The following IFNG-AS1 variants were observed in gnomAD, a reference collection of about 807,000 sequenced individuals.
The protein encoded by IFNG-AS1 is IFNG regulatory antisense RNA 1.
chr12:68,002,556 T>G (rs1053497487), intron 2 of IFNG-AS1, among the ~76,000 whole-genome samples: 1 of 152,230 alleles, frequency 6.6e-6, no homozygotes, highest in South Asian at 2.1e-4. Context: ...GATTTAAAAA[T>G]TATTTTAATT....
At chr12:67,997,531 A>T (rs189474189) in intron 2 of IFNG-AS1, among the ~76,000 whole-genome samples, 444 of 151,330 alleles carry the variant, frequency 2.9e-3, no homozygotes, top group Middle Eastern at 6.8e-3. Flanking sequence ...GTAAAAAAAA[A>T]TTTTTTTTTA....
intron 1 of IFNG-AS1, among the ~76,000 whole-genome samples, chr12:67,995,534 A>G (rs1219111041): frequency 6.6e-6 from 1 of 151,836 alleles, no homozygotes; most frequent in Non-Finnish European, 1.5e-5. Context: ...CATCCTGAAT[A>G]ACATGGTGAA....
At chr12:68,003,424 C>CTTTTTT (rs530422946) in intron 2 of IFNG-AS1, among the ~76,000 whole-genome samples, 13 of 136,508 alleles carry the variant, frequency 9.5e-5, no homozygotes, top group Non-Finnish European at 1.1e-4. Flanking sequence ...CATATTCCCC[C>CTTTTTT]CTTTTTTTTT....
intron 2 of IFNG-AS1, among the ~76,000 whole-genome samples, chr12:68,004,607 C>T (rs1385627664): frequency 6.6e-6 from 1 of 152,204 alleles, no homozygotes; most frequent in Non-Finnish European, 1.5e-5. Context: ...GACCATTTGC[C>T]CCTGGTTGTG....
chr12:68,011,219 C>G (rs1210336072), intron 3 of IFNG-AS1, among the ~76,000 whole-genome samples: 1 of 152,186 alleles, frequency 6.6e-6, no homozygotes, highest in Non-Finnish European at 1.5e-5. Flanking sequence ...TTTAGCAGCA[C>G]TTGTTTGGTG....
At chr12:68,003,539 A>G (rs1879828412) in intron 2 of IFNG-AS1, among the ~76,000 whole-genome samples, 1 of 151,264 alleles carries the variant, frequency 6.6e-6, no homozygotes, top group South Asian at 2.1e-4. Context: ...AGGGTCCCTC[A>G]TCACCTTCCC....
chr12:68,002,442 C>A (rs1453021418), intron 2 of IFNG-AS1, among the ~76,000 whole-genome samples: 1 of 152,226 alleles, frequency 6.6e-6, no homozygotes, highest in Non-Finnish European at 1.5e-5. Flanking sequence ...CCTCAACTCC[C>A]ACCTTTTACA....
At chr12:68,016,344 A>G (rs943562841) in intron 3 of IFNG-AS1, among the ~76,000 whole-genome samples, 8 of 152,102 alleles carry the variant, frequency 5.3e-5, no homozygotes, top group African/African-American at 1.9e-4. Context: ...ACCCAGACCT[A>G]TTTAATTACA....
At chr12:67,998,855 A>C (rs1019526480) in intron 2 of IFNG-AS1, among the ~76,000 whole-genome samples, 2 of 152,202 alleles carry the variant, frequency 1.3e-5, no homozygotes, top group African/African-American at 4.8e-5. Context: ...ACAGGAATGT[A>C]CACAAACATT....
chr12:67,990,978 C>T (rs868225491), intron 1 of IFNG-AS1, among the ~76,000 whole-genome samples: 4 of 152,180 alleles, frequency 2.6e-5, no homozygotes, highest in South Asian at 2.1e-4. Context: ...AGCACCATGT[C>T]ACCATGTGCA....
At chr12:68,016,300 G>A (rs7975682) in intron 3 of IFNG-AS1, among the ~76,000 whole-genome samples, 61,742 of 151,802 alleles carry the variant, frequency 0.41, 13,033 homozygotes, top group Middle Eastern at 0.5. Flanking sequence ...CTCAAAACCA[G>A]TCACTTGTTA....
intron 3 of IFNG-AS1, chr12:68,013,661 T>G (rs978583104): frequency 8.5e-5 from 13 of 152,352 alleles, no homozygotes; most frequent in African/African-American, 3.1e-4. Context: ...AAGATTTGCA[T>G]TTAAATTGGT....
intron 2 of IFNG-AS1, among the ~76,000 whole-genome samples, chr12:68,002,318 C>T (rs912373908): frequency 2.6e-5 from 4 of 152,342 alleles, no homozygotes; most frequent in South Asian, 2.1e-4. Context: ...CTGGAGAACT[C>T]GAAATCAAAC....
rs546508277 is a variant in IFNG-AS1, at chr12:67,997,579, G to A, written n.184+1506G>A. On this transcript the variant is annotated intron_variant and non_coding_transcript_variant, in intron 2 of 5. Coordinates refer to ENST00000536914, the Ensembl canonical transcript of IFNG-AS1. The stretch of plus-strand genomic sequence containing the variant: ...AAACATGGGTGAATTTCTATTTAAC[G>A]TTGGTATAGGGAAAGATTTTCTAAC... Among the ~76,000 whole-genome samples the A allele has an allele frequency of 1.1e-4, 16 of 150,912 alleles. No individual in the cohort carries two copies. In the South Asian group the frequency reaches 1.5e-3, roughly 14 times the overall value.
chr12:68,006,186 A>G (rs1338174567), intron 3 of IFNG-AS1: 2 of 152,226 alleles, frequency 1.3e-5, no homozygotes, highest in Non-Finnish European at 2.9e-5. Context: ...ACACTAAGGA[A>G]TTTGATTTTT....
rs149102029 is a variant in IFNG-AS1, at chr12:67,997,722, T to TA, written n.184+1656dup. ...ACAAAGTCAAACAACAAACAAACTTTAAAAAAATGCTTGCAACATTAATCT... is the reference window on the plus strand; with the variant it reads ...ACAAAGTCAAACAACAAACAAACTTTAAAAAAAATGCTTGCAACATTAATCT... On this transcript the variant is annotated intron_variant and non_coding_transcript_variant, in intron 2 of 5. Coordinates refer to ENST00000536914, the Ensembl canonical transcript of IFNG-AS1. 3.8e-3 allele frequency among the ~76,000 whole-genome samples: 569 copies of TA among 151,542 alleles called. 3 individuals are homozygous for TA. The highest frequency in any genetic ancestry group is 0.013 in the African/African-American group (552 of 41,430).
chr12:68,011,966 G>A (rs985698040), intron 3 of IFNG-AS1, among the ~76,000 whole-genome samples: 5 of 152,268 alleles, frequency 3.3e-5, no homozygotes, highest in East Asian at 3.9e-4. Flanking sequence ...TGGAATGTCA[G>A]AACAAGCAAT....
chr12:68,005,003 A>G (rs1879874124), intron 2 of IFNG-AS1, among the ~76,000 whole-genome samples: 1 of 152,142 alleles, frequency 6.6e-6, no homozygotes. Flanking sequence ...CTCTTTTCAT[A>G]TCCTTTCTGA....
chr12:68,002,963 T>C (rs1879804404), intron 2 of IFNG-AS1, among the ~76,000 whole-genome samples: 1 of 152,352 alleles, frequency 6.6e-6, no homozygotes, highest in South Asian at 2.1e-4. Flanking sequence ...TTAGTCAAAA[T>C]ACTCTATATT....
Sources: allele counts gnomAD v4.1 joint callset (sites outside exome capture counted in the v4.1 genomes callset), GRCh38; gene constraint gnomAD v4.1.1; transcripts MANE v1.5; gene names NCBI Gene and HGNC (gene_info 2026-07-23, HGNC 2026-07-21).